The following RAB1A variants were observed in gnomAD, a reference collection of about 807,000 sequenced individuals.
RAB1A encodes the protein RAB1A, member RAS oncogene family.
A neutral mutation model predicts 26.0 loss-of-function variants in RAB1A; 2 were observed. The observed-to-expected ratio is 0.08, with a 90% CI of 0.03 to 0.24. The LOEUF (loss-of-function observed/expected upper bound fraction) is 0.24. RAB1A is among the 10% of genes least tolerant of loss of function. The pLI is 1.00. For missense variants in RAB1A, 100 were observed against 247.0 expected, an observed-to-expected ratio of 0.40 and a Z score of 3.99; for synonymous variants, 84 against 84.9, an observed-to-expected ratio of 0.99 and a Z score of 0.06.
intron 1 of RAB1A, among the ~76,000 whole-genome samples, chr2:65,118,474 T>C (rs1337099907): frequency 6.6e-6 from 1 of 152,046 alleles, no homozygotes; most frequent in African/African-American, 2.4e-5. Context: ...TTTTCCTTTT[T>C]TGTTTGTTTG....
At chr2:65,115,166 C>T (rs2103868118) in intron 1 of RAB1A, among the ~76,000 whole-genome samples, 1 of 152,300 alleles carries the variant, frequency 6.6e-6, no homozygotes, top group Middle Eastern at 3.4e-3. Flanking sequence ...CCAGTCTGTG[C>T]TATTCTGTTA....
intron 1 of RAB1A, among the ~76,000 whole-genome samples, chr2:65,127,619 G>A (rs1033013488): frequency 1.3e-5 from 2 of 152,274 alleles, no homozygotes; most frequent in East Asian, 1.9e-4. Context: ...CCAACTTCTC[G>A]GGAATCTGAG....
chr2:65,118,768 G>A (rs536388547), intron 1 of RAB1A, among the ~76,000 whole-genome samples: 1 of 151,860 alleles, frequency 6.6e-6, no homozygotes. Context: ...GTCAGCCCCC[G>A]CACCCGGCCC....
chr2:65,097,021 C>A (rs1669304486), intron 3 of RAB1A, among the ~76,000 whole-genome samples: 1 of 151,598 alleles, frequency 6.6e-6, no homozygotes. Flanking sequence ...GGCCTTTTCC[C>A]CAGAGACACA....
At chr2:65,106,414 T>C in intron 1 of RAB1A, 1 of 358,486 alleles carries the variant, frequency 2.8e-6, no homozygotes, top group South Asian at 2.1e-5. Flanking sequence ...TTTGTTTTAA[T>C]TGCACTGCCA....
intron 1 of RAB1A, among the ~76,000 whole-genome samples, chr2:65,122,154 T>TTAAA (rs1558588148): frequency 4.3e-5 from 5 of 115,798 alleles, no homozygotes; most frequent in African/African-American, 1.5e-4. Context: ...AGACTCTATC[T>TTAAA]CAAAAAAAAA....
At chr2:65,119,744 G>C (rs572619692) in intron 1 of RAB1A, among the ~76,000 whole-genome samples, 10 of 142,326 alleles carry the variant, frequency 7.0e-5, no homozygotes, top group African/African-American at 2.6e-4. Flanking sequence ...GTGGCTCACA[G>C]CTGTAATCCT....
chr2:65,100,382 C>T (rs1431695578), intron 2 of RAB1A, among the ~76,000 whole-genome samples: 2 of 112,498 alleles, frequency 1.8e-5, no homozygotes, highest in Admixed American at 2.3e-4. Context: ...GCCCAGGCGA[C>T]AAGGCATGTC....
intron 1 of RAB1A, among the ~76,000 whole-genome samples, chr2:65,113,841 A>G (rs1573083194): frequency 6.6e-6 from 1 of 152,226 alleles, no homozygotes; most frequent in Non-Finnish European, 1.5e-5. Flanking sequence ...GAGAGGCTGG[A>G]GCAGGAAGTC....
intron 1 of RAB1A, among the ~76,000 whole-genome samples, chr2:65,111,832 C>T (rs1027850306): frequency 1.3e-5 from 2 of 151,954 alleles, no homozygotes; most frequent in Admixed American, 1.3e-4. Flanking sequence ...GCCTATAATC[C>T]CAGCACTTTG....
At chr2:65,101,742 C>CTTTTTTTT (rs71401771) in intron 2 of RAB1A, among the ~76,000 whole-genome samples, 175 of 70,668 alleles carry the variant, frequency 2.5e-3, no homozygotes, top group Non-Finnish European at 2.7e-3. Flanking sequence ...GTATTACTTC[C>CTTTTTTTT]TTTTTTTTTT....
At chr2:65,115,517 G>A (rs1669804261) in intron 1 of RAB1A, among the ~76,000 whole-genome samples, 1 of 152,144 alleles carries the variant, frequency 6.6e-6, no homozygotes, top group Non-Finnish European at 1.5e-5. Flanking sequence ...AGAACTTTTA[G>A]TTAGTTCATA....
intron 3 of RAB1A, among the ~76,000 whole-genome samples, chr2:65,097,660 A>G (rs1310421321): frequency 6.6e-6 from 1 of 152,222 alleles, no homozygotes; most frequent in Non-Finnish European, 1.5e-5. Flanking sequence ...AATGGTCTAT[A>G]ACATTTGCAG....
intron 1 of RAB1A, among the ~76,000 whole-genome samples, chr2:65,110,295 G>C (rs1205160108): frequency 6.6e-6 from 1 of 152,054 alleles, no homozygotes; most frequent in African/African-American, 2.4e-5. Flanking sequence ...CAAAAAATTA[G>C]ACGGGTGTGG....
intron 1 of RAB1A, chr2:65,105,510 TCAAAAAAA>T (rs1669533544): frequency 4.0e-5 from 1 of 25,314 alleles, no homozygotes; most frequent in African/African-American, 1.8e-4. Context: ...AAACTCTGTC[TCAAAAAAA>T]AAAAAAAAAA....
At chr2:65,127,121 A>G (rs979012280) in intron 1 of RAB1A, among the ~76,000 whole-genome samples, 3 of 152,224 alleles carry the variant, frequency 2.0e-5, no homozygotes, top group African/African-American at 7.2e-5. Flanking sequence ...AAAAAATATA[A>G]AAACTGTTTC....
At chr2:65,097,546 T>C (rs1669318497) in intron 3 of RAB1A, among the ~76,000 whole-genome samples, 1 of 152,212 alleles carries the variant, frequency 6.6e-6, no homozygotes, top group South Asian at 2.1e-4. Flanking sequence ...TAAAAATACT[T>C]AGAACTACAT....
chr2:65,102,331 T>C (rs1266529375), intron 2 of RAB1A, among the ~76,000 whole-genome samples: 1 of 152,124 alleles, frequency 6.6e-6, no homozygotes, highest in Non-Finnish European at 1.5e-5. Context: ...TTTATTCTAG[T>C]ACTCATGGTT....
At chr2:65,128,052 G>T (rs538067292) in intron 1 of RAB1A, among the ~76,000 whole-genome samples, 1 of 152,228 alleles carries the variant, frequency 6.6e-6, no homozygotes, top group African/African-American at 2.4e-5. Context: ...AACTTCTTAA[G>T]CGCAAGGATT....
Sources: gnomAD v4.1 joint callset for allele counts (sites outside exome capture counted in the v4.1 genomes callset) on GRCh38, gnomAD v4.1.1 for gene constraint, MANE v1.5 for transcripts, NCBI Gene and HGNC (gene_info 2026-07-23, HGNC 2026-07-21) for gene names.